Variants in LYZL2 observed in about 807,000 individuals in gnomAD.
The protein encoded by LYZL2 is lysozyme like 2, also known as lysozyme-like protein 2.
LYZL2 carries 13 observed loss-of-function variants against 17.1 expected under a neutral mutation model. That is an observed-to-expected ratio of 0.76 (90% CI 0.49 to 1.21). The LOEUF (loss-of-function observed/expected upper bound fraction) is 1.21, where lower values mean the gene tolerates loss of function less well. LYZL2 is among the 50% of genes most tolerant of loss of function. The probability of loss-of-function intolerance (pLI) is 0.00; values close to 1 mark genes in which losing one functional copy is unlikely to be tolerated. For synonymous variants in LYZL2, 63 were observed against 74.4 expected (o/e 0.85, Z 0.79); for missense variants, 166 against 189.2 (o/e 0.88, Z 0.72).
At position 30,612,817 on chromosome 10, in the gene LYZL2, C is replaced by T. The variant is rs764095130; in HGVS notation, c.377+5G>A. The T allele has an allele frequency of 2.5e-6, 4 of 1,608,690 alleles. No individual in the cohort carries two copies. In the African/African-American group the frequency reaches 5.3e-5, roughly 21 times the overall value. On this transcript the variant is annotated splice_donor_5th_base_variant and intron_variant, in intron 4 of 4. Transcript: ENST00000647634. ...AGCCCAAGTCTTCCAAGGAAAGACT[C>T]TTACCAATAGTTCATTCCTTGTGTC...
At chr10:30,625,875 G>A (rs1367499184) in intron 3 of LYZL2, among the ~76,000 whole-genome samples, 1 of 152,202 alleles carries the variant, frequency 6.6e-6, no homozygotes, top group Non-Finnish European at 1.5e-5. Context: ...CCCTGCTTTA[G>A]GGGAGGGCTT....
At chr10:30,608,598 C>T (rs1338060537), downstream of LYZL2, among the ~76,000 whole-genome samples, 1 of 152,120 alleles carries the variant, frequency 6.6e-6, no homozygotes. Context: ...GCAGGGGCCT[C>T]TTGGATTCTC....
At chr10:30,610,604 A>G (rs1345348224), downstream of LYZL2, among the ~76,000 whole-genome samples, 1 of 152,138 alleles carries the variant, frequency 6.6e-6, no homozygotes, top group African/African-American at 2.4e-5. Flanking sequence ...CACAGGGCTT[A>G]AAAAATATTG....
At chr10:30,610,494 G>A (rs1001515998), downstream of LYZL2, among the ~76,000 whole-genome samples, 7 of 152,166 alleles carry the variant, frequency 4.6e-5, no homozygotes, top group Admixed American at 1.3e-4. Context: ...GTTGAACAAT[G>A]AGAACACATG....
At chr10:30,611,510 A>AG (rs1437169747), downstream of LYZL2, among the ~76,000 whole-genome samples, 7 of 147,484 alleles carry the variant, frequency 4.7e-5, no homozygotes, top group African/African-American at 1.8e-4. Context: ...AAAAAAAAAA[A>AG]AGGAAGGAAG....
At chr10:30,619,552 T>C (rs974433487) in intron 3 of LYZL2, among the ~76,000 whole-genome samples, 7 of 151,842 alleles carry the variant, frequency 4.6e-5, no homozygotes, top group Non-Finnish European at 8.8e-5. Context: ...CTGGAAACCA[T>C]CATTCTCAGC....
intron 3 of LYZL2, among the ~76,000 whole-genome samples, chr10:30,618,442 T>C (rs1456858408): frequency 6.6e-6 from 1 of 152,188 alleles, no homozygotes; most frequent in East Asian, 1.9e-4. Context: ...AAGGCTACAG[T>C]AACCAAAACA....
downstream of LYZL2, among the ~76,000 whole-genome samples, chr10:30,608,335 A>G (rs449878): frequency 0.87 from 132,157 of 152,174 alleles, 58,097 homozygotes; most frequent in African/African-American, 0.96. Context: ...TATCTAGATC[A>G]TTTTCCTTCC....
intron 4 of LYZL2, 127 bp from the exon 5 acceptor site, chr10:30,612,151 G>A: frequency 8.9e-7 from 1 of 1,117,634 alleles, no homozygotes. Context: ...ATTTGCTTCT[G>A]AGATCAAAGG....
chr10:30,613,376 G>A lies in LYZL2; in HGVS notation c.299-476C>T, dbSNP rs180758088. On this transcript the variant is annotated intron_variant, in intron 3 of 4. Coordinates refer to ENST00000647634, the MANE Select transcript of LYZL2 (RefSeq NM_183058.3). ...GCCTAGTGTGATGGCACACACCTGT[G>A]GTCTCAGCTACTTGGGAGTCTGAGG... 1.3e-4 allele frequency among the ~76,000 whole-genome samples: 20 copies of A among 152,034 alleles called. 1 individual carries two copies. The highest frequency in any genetic ancestry group is 1.0e-3 in the Admixed American group (16 of 15,262).
intron 1 of LYZL2, among the ~76,000 whole-genome samples, chr10:30,628,658 T>C (rs1838758384): frequency 3.9e-5 from 6 of 152,212 alleles, no homozygotes; most frequent in Admixed American, 3.3e-4. Flanking sequence ...TGCACTTGCC[T>C]GGAAACTTCT....
chr10:30,612,861 G>A lies in LYZL2; in HGVS notation c.338C>T (p.Ala113Val). The part of the protein sequence containing the change: ...TDDLTDAIIC[A>V]KKIVKETQGM... ...TTGTGTCTCTTTAACAATTTTCTTG[G>A]CACAGATAATCGCATCTGTGAGGTC... Residue 113 changes from alanine (A) to valine (V), a missense_variant, in exon 4 of 5, where the codon GCC becomes GTC. Ala to Val is a moderately conservative substitution (Grantham distance 64). Coordinates refer to ENST00000647634, the MANE Select transcript of LYZL2 (RefSeq NM_183058.3). 6.2e-7 allele frequency: 1 copy of A among 1,613,782 alleles called. No homozygotes were observed. The highest frequency in any genetic ancestry group is 8.5e-7 in the Non-Finnish European group (1 of 1,179,720).
chr10:30,612,948 G>C (rs373054919), intron 3 of LYZL2, 48 bp from the exon 4 acceptor site: 72 of 1,445,148 alleles, frequency 5.0e-5, no homozygotes, highest in Non-Finnish European at 3.0e-5. Flanking sequence ...TGTTGTTGGA[G>C]AGGGACCCCA....
In LYZL2 at chr10:30,626,910, C is replaced by T; in HGVS notation, c.6G>A (p.Lys2=). 2 of 1,613,376 alleles carry T rather than the reference C, an allele frequency of 1.2e-6. No homozygotes were observed. The highest frequency in any genetic ancestry group is 8.5e-7 in the Non-Finnish European group (1 of 1,179,608). ...CAATGAGGGTCAGAATGCCCGCAGC[C>T]TTCATCCTCAAAGCCTGCCGGAGAC... M[K]AAGILTLIGC... is the part of the protein sequence containing the mutation. Residue 2 remains lysine, a synonymous_variant, in exon 2 of 5, where the codon AAG becomes AAA. Coordinates refer to ENST00000647634, the MANE Select transcript of LYZL2 (RefSeq NM_183058.3).
At chr10:30,629,484 A>G in intron 1 of LYZL2, 109 bp downstream of exon 1, 1 of 1,099,772 alleles carries the variant, frequency 9.1e-7, no homozygotes, top group Non-Finnish European at 1.3e-6. Flanking sequence ...AAGTCAAAAC[A>G]AAACCCGTAG....
At chr10:30,626,981 A>G in intron 1 of LYZL2, 41 bp from the exon 2 acceptor site, 2 of 1,609,082 alleles carry the variant, frequency 1.2e-6, no homozygotes, top group Non-Finnish European at 1.7e-6. Flanking sequence ...ATCTTGATTC[A>G]GGAACTTCGA....
chr10:30,627,088 TC>T, intron 1 of LYZL2, 148 bp from the exon 2 acceptor site: 1 of 1,258,502 alleles, frequency 7.9e-7, no homozygotes, highest in African/African-American at 1.5e-5. Context: ...CACTCTACGG[TC>T]CAGGGAAGGA....
At chr10:30,622,763 A>G (rs547584810) in intron 3 of LYZL2, among the ~76,000 whole-genome samples, 1 of 152,172 alleles carries the variant, frequency 6.6e-6, no homozygotes, top group Non-Finnish European at 1.5e-5. Flanking sequence ...AATCGAAACC[A>G]TATGGCCTGA....
intron 1 of LYZL2, among the ~76,000 whole-genome samples, chr10:30,628,153 C>A (rs1314733931): frequency 6.6e-6 from 1 of 151,138 alleles, no homozygotes; most frequent in Non-Finnish European, 1.5e-5. Context: ...GAGCGAGACT[C>A]CGCCTCAAAA....
Sources: gnomAD v4.1 joint callset for allele counts (sites outside exome capture counted in the v4.1 genomes callset) on GRCh38, gnomAD v4.1.1 for gene constraint, MANE v1.5 for transcripts, NCBI Gene and HGNC (gene_info 2026-07-23, HGNC 2026-07-21) for gene names.